Variants in PHF21A observed in about 807,000 individuals in gnomAD.
PHF21A encodes the protein PHD finger protein 21A.
Under a neutral mutation model 82.5 loss-of-function variants are expected in PHF21A, and 11 were observed. The observed-to-expected ratio is 0.13, with a 90% CI of 0.08 to 0.22. PHF21A has a LOEUF of 0.22. Among genes scored for constraint, PHF21A ranks in the 10% least tolerant of loss-of-function variants. PHF21A has a pLI of 1.00. For missense variants in PHF21A, 579 were observed against 837.8 expected (o/e 0.69, Z 3.81); for synonymous variants, 297 against 302.8 (o/e 0.98, Z 0.20).
chr11:46,038,007 C>T (rs2096050955), intron 6 of PHF21A, among the ~76,000 whole-genome samples: 1 of 152,136 alleles, frequency 6.6e-6, no homozygotes, highest in Middle Eastern at 3.4e-3. Context: ...TTGACACTTG[C>T]TTTATTATAG....
intron 9 of PHF21A, among the ~76,000 whole-genome samples, 176 bp from the exon 10 acceptor site, chr11:45,965,784 T>A (rs1013186618): frequency 6.6e-6 from 1 of 152,188 alleles, no homozygotes; most frequent in Non-Finnish European, 1.5e-5. Flanking sequence ...TCATCAGCTC[T>A]TGAGGTCCAA....
At chr11:45,982,951 G>A (rs899398266) in intron 6 of PHF21A, among the ~76,000 whole-genome samples, 1 of 152,062 alleles carries the variant, frequency 6.6e-6, no homozygotes, top group African/African-American at 2.4e-5. Flanking sequence ...CTCCTCTACA[G>A]CCATCCTTAG....
At chr11:46,035,254 T>G (rs549313358) in intron 6 of PHF21A, among the ~76,000 whole-genome samples, 75 of 152,302 alleles carry the variant, frequency 4.9e-4, no homozygotes, top group African/African-American at 1.8e-3. Context: ...TTATACCATT[T>G]CCTGAAAAAA....
intron 6 of PHF21A, among the ~76,000 whole-genome samples, chr11:46,058,287 C>T: frequency 6.6e-6 from 1 of 152,164 alleles, no homozygotes; most frequent in East Asian, 1.9e-4. Context: ...ACAGAGGAAA[C>T]ATTATAGATG....
intron 6 of PHF21A, among the ~76,000 whole-genome samples, chr11:46,023,149 G>A (rs1185628605): frequency 2.0e-5 from 3 of 152,202 alleles, no homozygotes; most frequent in Non-Finnish European, 4.4e-5. Context: ...GAAAAAAAGA[G>A]AGGAAAAGTT....
intron 1 of PHF21A, among the ~76,000 whole-genome samples, chr11:46,109,206 C>T (rs1304504102): frequency 6.6e-6 from 1 of 152,134 alleles, no homozygotes; most frequent in Non-Finnish European, 1.5e-5. Flanking sequence ...TCATTTGTTA[C>T]CTATGTGATC....
intron 6 of PHF21A, among the ~76,000 whole-genome samples, chr11:46,029,931 T>C (rs2095831904): frequency 6.6e-6 from 1 of 152,226 alleles, no homozygotes; most frequent in Admixed American, 6.5e-5. Flanking sequence ...CTTACAAAAG[T>C]GTTTTAAAAT....
intron 15 of PHF21A, among the ~76,000 whole-genome samples, chr11:45,938,864 C>T (rs1482959747): frequency 1.3e-5 from 2 of 150,574 alleles, no homozygotes; most frequent in East Asian, 1.9e-4. Context: ...GACAGAGTCT[C>T]GCTCTGTCAC....
chr11:45,946,082 C>G (rs774192349), intron 14 of PHF21A, 79 bp from the exon 15 acceptor site: 18 of 1,613,930 alleles, frequency 1.1e-5, no homozygotes, highest in Non-Finnish European at 1.4e-5. Flanking sequence ...ATACCTTTGG[C>G]CAGTGTTCCT....
chr11:45,989,106 T>A (rs540618379), intron 6 of PHF21A, among the ~76,000 whole-genome samples: 2 of 152,240 alleles, frequency 1.3e-5, no homozygotes, highest in South Asian at 4.1e-4. Context: ...GCCAAAATAA[T>A]TACTGATTAA....
At chr11:46,028,894 T>C (rs1460647220) in intron 6 of PHF21A, among the ~76,000 whole-genome samples, 1 of 152,188 alleles carries the variant, frequency 6.6e-6, no homozygotes, top group African/African-American at 2.4e-5. Flanking sequence ...TTAAGGCATT[T>C]CTAATTTTTT....
chr11:46,051,991 C>G (rs1021259158), intron 6 of PHF21A, among the ~76,000 whole-genome samples: 2 of 152,116 alleles, frequency 1.3e-5, no homozygotes, highest in African/African-American at 4.8e-5. Flanking sequence ...TATAAGGTAG[C>G]CTCCCAAAGT....
At chr11:46,067,852 G>A (rs1403599537) in intron 6 of PHF21A, among the ~76,000 whole-genome samples, 1 of 152,100 alleles carries the variant, frequency 6.6e-6, no homozygotes, top group Non-Finnish European at 1.5e-5. Context: ...GTACCACAAT[G>A]AGCGCCAAAT....
intron 6 of PHF21A, among the ~76,000 whole-genome samples, 178 bp from the exon 7 acceptor site, chr11:45,980,144 T>G: frequency 6.6e-6 from 1 of 152,308 alleles, no homozygotes; most frequent in South Asian, 2.1e-4. Flanking sequence ...ATTGGTAATA[T>G]GAAACTGATG....
intron 15 of PHF21A, among the ~76,000 whole-genome samples, chr11:45,944,249 T>C (rs1379338355): frequency 2.2e-4 from 34 of 152,212 alleles, no homozygotes; most frequent in Non-Finnish European, 1.9e-4. Context: ...ATGAGATATA[T>C]AGCAAAATAT....
chr11:46,079,603 C>T (rs1206523256), intron 4 of PHF21A, among the ~76,000 whole-genome samples: 1 of 152,190 alleles, frequency 6.6e-6, no homozygotes, highest in African/African-American at 2.4e-5. Context: ...TTGTTTCTTA[C>T]CACAGAAGGA....
chr11:45,992,548 A>AC (rs2094747876), intron 6 of PHF21A, among the ~76,000 whole-genome samples: 1 of 152,214 alleles, frequency 6.6e-6, no homozygotes, highest in Non-Finnish European at 1.5e-5. Context: ...CTCCGTCTCA[A>AC]AAAAGAAAAT....
chr11:45,935,962 C>T (rs1265497378), intron 17 of PHF21A, among the ~76,000 whole-genome samples: 1 of 151,976 alleles, frequency 6.6e-6, no homozygotes, highest in Non-Finnish European at 1.5e-5. Context: ...AATGAGATAC[C>T]ACATCTCATT....
At chr11:45,970,784 A>G in intron 8 of PHF21A, 1 of 240,132 alleles carries the variant, frequency 4.2e-6, no homozygotes, top group Non-Finnish European at 8.2e-6. Context: ...CAAGTTTCAC[A>G]GGAAAACACT....
Sources: allele counts gnomAD v4.1 joint callset (sites outside exome capture counted in the v4.1 genomes callset), GRCh38; gene constraint gnomAD v4.1.1; transcripts MANE v1.5; gene names NCBI Gene and HGNC (gene_info 2026-07-23, HGNC 2026-07-21).